Variants in C6orf118 observed in about 807,000 individuals in gnomAD.
C6orf118 encodes uncharacterized protein C6orf118.
In C6orf118, 50 loss-of-function variants were observed where a neutral mutation model predicts 50.2. That is an observed-to-expected ratio of 1.00 (90% CI 0.79 to 1.26). The LOEUF is 1.26. Among genes scored for constraint, C6orf118 ranks in the 50% most tolerant of loss-of-function variants. C6orf118 has a pLI of 0.00. For synonymous variants in C6orf118, 239 were observed against 230.9 expected (o/e 1.03, Z -0.32); for missense variants, 641 against 578.7 (o/e 1.11, Z -1.10).
intron 8 of C6orf118, among the ~76,000 whole-genome samples, chr6:165,280,757 G>A (rs1779700621): frequency 1.3e-5 from 2 of 152,122 alleles, no homozygotes; most frequent in African/African-American, 4.8e-5. Flanking sequence ...ATGGAATGCG[G>A]ACCCAGTTAA....
At chr6:165,296,243 G>GTTTTTTTTTTTTTTTTTTT (rs1285694115) in intron 5 of C6orf118, among the ~76,000 whole-genome samples, 2 of 55,348 alleles carry the variant, frequency 3.6e-5, no homozygotes, top group African/African-American at 7.9e-5. Context: ...TGTTGTTTTC[G>GTTTTTTTTTTTTTTTTTTT]TTTTTTGTTT....
At chr6:165,281,216 T>C (rs1443908867) in intron 8 of C6orf118, among the ~76,000 whole-genome samples, 1 of 152,204 alleles carries the variant, frequency 6.6e-6, no homozygotes, top group Non-Finnish European at 1.5e-5. Flanking sequence ...ACGTTCCTGA[T>C]TCCTGCCCAT....
At chr6:165,307,433 C>T (rs1583031984) in intron 1 of C6orf118, among the ~76,000 whole-genome samples, 1 of 151,944 alleles carries the variant, frequency 6.6e-6, no homozygotes, top group East Asian at 1.9e-4. Context: ...GTGGCGGGTA[C>T]CTGTAATTAC....
chr6:165,298,309 T>C (rs986570683), intron 4 of C6orf118, among the ~76,000 whole-genome samples: 49 of 152,316 alleles, frequency 3.2e-4, no homozygotes, highest in African/African-American at 1.1e-3. Context: ...AATACCTTTT[T>C]CAATATGTTA....
chr6:165,297,933 C>G, intron 5 of C6orf118, 44 bp downstream of exon 5: 1 of 1,611,496 alleles, frequency 6.2e-7, no homozygotes, highest in Non-Finnish European at 8.5e-7. Context: ...GACCTTGTTA[C>G]GGAAGAATCT....
At chr6:165,281,412 T>C (rs1040363924) in intron 8 of C6orf118, 59 of 969,982 alleles carry the variant, frequency 6.1e-5, no homozygotes, top group South Asian at 3.9e-4. Context: ...TCTAATCTAG[T>C]TTTAAATAAC....
Position 165,280,056 on chromosome 6 carries a change from G to T in C6orf118, c.*1C>A. On this transcript the variant is annotated 3_prime_UTR_variant, in exon 9 of 9. Coordinates refer to ENST00000230301, the MANE Select transcript of C6orf118 (RefSeq NM_144980.4). Reference sequence around the variant, plus strand: ...TGGCCATTTGTTCAGCCACTTGAGCGTTATCTTCTGTTTCCTCTGATTTTA... The same window carrying T: ...TGGCCATTTGTTCAGCCACTTGAGCTTTATCTTCTGTTTCCTCTGATTTTA... 6.2e-7 allele frequency: 1 copy of T among 1,604,040 alleles called. No homozygotes were observed. Among genetic ancestry groups the T allele is most frequent in the Non-Finnish European group, 8.5e-7 (1 of 1,177,532 alleles).
chr6:165,298,261 T>C (rs975880994), intron 4 of C6orf118, among the ~76,000 whole-genome samples, 160 bp from the exon 5 acceptor site: 8 of 152,044 alleles, frequency 5.3e-5, no homozygotes, highest in African/African-American at 1.9e-4. Flanking sequence ...GGGAGGGCCG[T>C]TGGGGGAGGG....
Position 165,300,420 on chromosome 6 carries a change from A to T in C6orf118, c.820T>A (p.Phe274Ile). Residue 274 changes from phenylalanine (F) to isoleucine (I), a missense_variant, in exon 3 of 9, where the codon TTT becomes ATT. Phe to Ile is a conservative substitution (Grantham distance 21, BLOSUM62 0). Transcript: ENST00000230301. The part of the protein sequence containing the change: ...FNRLHVFGKV[F>I]EDICNSSLIF... ...AAAGAACTGTTACAAATATCTTCAA[A>T]GACTTTTCCAAAGACGTGCAGTCTG... 6.2e-7 allele frequency: 1 copy of T among 1,614,056 alleles called. No homozygotes were observed. Among genetic ancestry groups the T allele is most frequent in the Non-Finnish European group, 8.5e-7 (1 of 1,179,920 alleles).
rs181504573 is a variant in C6orf118 at position 165,302,522 on chromosome 6, C to T, written c.26-226G>A. On this transcript the variant is annotated intron_variant, in intron 1 of 8. Coordinates refer to ENST00000230301, the MANE Select transcript of C6orf118 (RefSeq NM_144980.4). ...GGCCCCCAGGATGTGCAAGTCAACC[C>T]GAAAGCTCAGGACCGTCAAAGCCAA... is the stretch of plus-strand genomic sequence containing the variant. 2.6e-5 allele frequency among the ~76,000 whole-genome samples: 4 copies of T among 152,206 alleles called. 1 individual carries two copies. The highest frequency in any genetic ancestry group is 2.0e-4 in the Admixed American group (3 of 15,296).
At chr6:165,283,654 C>G (rs1022630604) in intron 7 of C6orf118, among the ~76,000 whole-genome samples, 1 of 152,196 alleles carries the variant, frequency 6.6e-6, no homozygotes, top group African/African-American at 2.4e-5. Flanking sequence ...GCCTCCATTT[C>G]TGACACCTCC....
intron 5 of C6orf118, among the ~76,000 whole-genome samples, chr6:165,297,223 C>T (rs1185538236): frequency 1.3e-5 from 2 of 151,938 alleles, no homozygotes; most frequent in African/African-American, 4.8e-5. Context: ...GAGTTCAAGA[C>T]CAGACTGGCC....
intron 6 of C6orf118, among the ~76,000 whole-genome samples, chr6:165,291,926 G>C (rs543703046): frequency 2.6e-5 from 4 of 152,286 alleles, no homozygotes. Flanking sequence ...AGTAAACAAG[G>C]TGGAAGTAAC....
intron 6 of C6orf118, chr6:165,293,178 G>A (rs760463020): frequency 1.2e-4 from 54 of 464,158 alleles, no homozygotes; most frequent in Admixed American, 4.8e-4. Flanking sequence ...CATGAAATGC[G>A]TATTTTTCCT....
At chr6:165,281,746 A>G in intron 7 of C6orf118, 53 bp from the exon 8 acceptor site, 1 of 1,162,860 alleles carries the variant, frequency 8.6e-7, no homozygotes, top group Non-Finnish European at 1.2e-6. Context: ...ATATTTGTTA[A>G]TTATTTTTCT....
chr6:165,299,213 T>C (rs988215894), intron 4 of C6orf118, among the ~76,000 whole-genome samples: 4 of 152,224 alleles, frequency 2.6e-5, no homozygotes, highest in African/African-American at 7.2e-5. Flanking sequence ...TAGATAGTTA[T>C]GTCGCTTGTT....
At chr6:165,309,452 C>G in intron 1 of C6orf118, 110 bp downstream of exon 1, 1 of 1,346,820 alleles carries the variant, frequency 7.4e-7, no homozygotes, top group Non-Finnish European at 1.1e-6. Flanking sequence ...GGCGTGCAGC[C>G]ACCAGAAAAA....
intron 6 of C6orf118, among the ~76,000 whole-genome samples, chr6:165,291,448 G>C (rs1780102616): frequency 6.6e-6 from 1 of 152,154 alleles, no homozygotes. Context: ...AGGGGTAGGA[G>C]AGTGAAAGTT....
chr6:165,296,259 T>G lies in C6orf118; in HGVS notation c.1061+1718A>C, dbSNP rs1450840173. ...GTTGTTTTCGTTTTTTGTTTTTTTT[T>G]TTTTTTTTTTTTTTTTTTGCCTTGG... On this transcript the variant is annotated intron_variant, in intron 5 of 8. Coordinates refer to ENST00000230301, the MANE Select transcript of C6orf118 (RefSeq NM_144980.4). Among the ~76,000 whole-genome samples the G allele has an allele frequency of 4.6e-4, 66 of 142,394 alleles. 1 individual carries two copies. In the South Asian group the frequency reaches 4.8e-3, roughly 10 times the overall value. The allele number at this position is 142,394 out of a possible 152,430, so 93.4% of individuals were successfully genotyped here.
Sources: allele counts gnomAD v4.1 joint callset (sites outside exome capture counted in the v4.1 genomes callset), GRCh38; gene constraint gnomAD v4.1.1; transcripts MANE v1.5; gene names NCBI Gene and HGNC (gene_info 2026-07-23, HGNC 2026-07-21).